ZNF639: variants seen among roughly 807,000 people sequenced by gnomAD.
ZNF639 encodes zinc finger protein 639.
Under a neutral mutation model 39.8 loss-of-function variants are expected in ZNF639, and 20 were observed. The ratio of observed to expected loss-of-function variants is 0.50; its 90% CI spans 0.35 to 0.73. The LOEUF (loss-of-function observed/expected upper bound fraction) is 0.73, where lower values mean the gene tolerates loss of function less well. Ranked by LOEUF, ZNF639 falls within the 30% of genes least tolerant of loss-of-function variation. ZNF639 has a pLI of 0.00. For missense variants in ZNF639, 477 were observed against 566.2 expected (o/e 0.84, Z 1.60); for synonymous variants, 176 against 189.8 (o/e 0.93, Z 0.60).
chr3:179,324,282 A>G (rs529399143), intron 1 of ZNF639, among the ~76,000 whole-genome samples: 28 of 152,176 alleles, frequency 1.8e-4, no homozygotes, highest in Non-Finnish European at 3.5e-4. Context: ...TATTTTGTGC[A>G]TAGACTTTCT....
intron 1 of ZNF639, among the ~76,000 whole-genome samples, chr3:179,324,730 G>T (rs1306375560): frequency 6.6e-6 from 1 of 152,152 alleles, no homozygotes; most frequent in East Asian, 1.9e-4. Context: ...AGCTTGCAAC[G>T]TTGATTTTAA....
rs1472221894 is a variant in ZNF639 at position 179,337,330 on chromosome 3, C to T, written c.*2908C>T. ...GAGACATATATCCAAGTTTCAGAAC[C>T]ATATAATTTTGTACTTTTTTTTTTT... is the stretch of plus-strand genomic sequence containing the variant. On this transcript the variant is annotated 3_prime_UTR_variant, in exon 6 of 6. Transcript: ENST00000496856. 2.0e-5 allele frequency: 3 copies of T among 149,052 alleles called. No homozygotes were observed. Among genetic ancestry groups the T allele is most frequent in the Non-Finnish European group, 4.4e-5 (3 of 67,526 alleles). The allele number at this position is 149,052 out of a possible 1,614,324, so 9.2% of individuals were successfully genotyped here.
chr3:179,333,353 T>C lies in ZNF639; in HGVS notation c.389T>C (p.Ile130Thr), dbSNP rs1227287362. ...CAGCAAACCCAAGAGGAGAGTCCTA[T>C]AGAAGTTCACACTGCTGAAGATGTT... ...VNQQTQEESP[I>T]EVHTAEDVPI... The change falls in exon 6 of 6, where the codon ATA (isoleucine) becomes ACA (threonine). Residue 130 changes from isoleucine (I) to threonine (T), a missense_variant. Coordinates refer to ENST00000496856, the MANE Select transcript of ZNF639 (RefSeq NM_001303426.2). 1.2e-6 allele frequency: 2 copies of C among 1,614,126 alleles called. No individual in the cohort carries two copies. The highest frequency in any genetic ancestry group is 1.3e-5 in the African/African-American group (1 of 75,050).
chr3:179,333,214 A>G (rs565940804), intron 5 of ZNF639, 55 bp from the exon 6 acceptor site: 6 of 1,559,306 alleles, frequency 3.8e-6, no homozygotes, highest in Non-Finnish European at 5.2e-6. Flanking sequence ...GCCCAGTTGT[A>G]TTTAACAGAT....
At chr3:179,332,630 A>G (rs980818397) in intron 4 of ZNF639, among the ~76,000 whole-genome samples, 2 of 152,196 alleles carry the variant, frequency 1.3e-5, no homozygotes, top group African/African-American at 4.8e-5. Context: ...CCCTCGCAAA[A>G]TGTTGAAGCC....
chr3:179,333,951 A>G lies in ZNF639; in HGVS notation c.987A>G (p.Pro329=), dbSNP rs1206468111. The G allele has an allele frequency of 1.2e-6, 2 of 1,614,222 alleles. No homozygotes were observed. Among genetic ancestry groups the G allele is most frequent in the Non-Finnish European group, 1.7e-6 (2 of 1,180,032 alleles). The change falls in exon 6 of 6, where the codon CCA becomes CCG. Residue 329 remains proline (P), a synonymous_variant. Transcript: ENST00000496856. ...CQFCEHETND[P]EDLHSHVVNE... The stretch of plus-strand genomic sequence containing the variant: ...TCTGTGAACATGAAACTAATGATCC[A>G]GAAGACTTGCATAGCCATGTGGTAA...
At chr3:179,324,354 T>A (rs527724645) in intron 1 of ZNF639, among the ~76,000 whole-genome samples, 2 of 152,324 alleles carry the variant, frequency 1.3e-5, no homozygotes, top group African/African-American at 2.4e-5. Flanking sequence ...AAAAAATTTT[T>A]AAACATTTTT....
Position 179,334,531 on chromosome 3 carries a change from C to T in ZNF639, c.*109C>T. On this transcript the variant is annotated 3_prime_UTR_variant, in exon 6 of 6. Transcript: ENST00000496856. ...CACAACTTATGAAATCTGCCTTTAA[C>T]AAGTAACTTTTTTAAATTATAAAAT... The T allele has an allele frequency of 2.5e-6, 2 of 797,684 alleles. No homozygotes were observed. The highest frequency in any genetic ancestry group is 7.0e-5 in the South Asian group (2 of 28,640). 49.4% of individuals were successfully genotyped at this position (797,684 alleles called of 1,614,324 possible).
intron 4 of ZNF639, among the ~76,000 whole-genome samples, chr3:179,332,485 G>A (rs967894600): frequency 2.0e-5 from 3 of 152,176 alleles, no homozygotes; most frequent in Non-Finnish European, 4.4e-5. Context: ...GGGCTTGGTG[G>A]TGCATGTCTG....
At chr3:179,326,334 C>A (rs1036665682) in intron 1 of ZNF639, among the ~76,000 whole-genome samples, 2 of 152,096 alleles carry the variant, frequency 1.3e-5, no homozygotes, top group East Asian at 3.9e-4. Flanking sequence ...GCACTCCAGC[C>A]TGGGTGACAG....
chr3:179,323,254 TGC>T lies in ZNF639; in HGVS notation c.-118_-117del. On this transcript the variant is annotated 5_prime_UTR_variant, in exon 1 of 6. Transcript: ENST00000496856. ...CTGCGCTCTCGGCCGCCGCCGCCTC[TGC>T]GTGGGCCGGCCGGGAGGGCCTCGGG... 11 of 985,128 alleles carry T rather than the reference TGC, an allele frequency of 1.1e-5. No homozygotes were observed. Among genetic ancestry groups the T allele is most frequent in the Non-Finnish European group, 1.3e-5 (11 of 829,940 alleles). 61.0% of individuals were successfully genotyped at this position (985,128 alleles called of 1,614,324 possible).
At position 179,334,473 on chromosome 3, in the gene ZNF639, T is replaced by C; in HGVS notation, c.*51T>C. On this transcript the variant is annotated 3_prime_UTR_variant, in exon 6 of 6. Coordinates refer to ENST00000496856, the MANE Select transcript of ZNF639 (RefSeq NM_001303426.2). Reference sequence around the variant, plus strand: ...TAGTTTAAAATAATAAATTCATCCTTTTTTTGGAGATGATTAAATGGATGA... The same window carrying C: ...TAGTTTAAAATAATAAATTCATCCTCTTTTTGGAGATGATTAAATGGATGA... 1 of 1,376,994 alleles carries C rather than the reference T, an allele frequency of 7.3e-7. No individual in the cohort carries two copies. Among genetic ancestry groups the C allele is most frequent in the Non-Finnish European group, 9.6e-7 (1 of 1,037,002 alleles). 85.3% of individuals were successfully genotyped at this position (1,376,994 alleles called of 1,614,324 possible). A position where few individuals can be genotyped will look rare whatever the true frequency, so the allele number is the denominator to read the frequency against.
At position 179,335,824 on chromosome 3, in the gene ZNF639, CTT is replaced by C. The variant is rs1470909839; in HGVS notation, c.*1403_*1404del. On this transcript the variant is annotated 3_prime_UTR_variant, in exon 6 of 6. Coordinates refer to ENST00000496856, the MANE Select transcript of ZNF639 (RefSeq NM_001303426.2). Reference sequence around the variant, plus strand: ...TAATTTTTTGAGACAGAATTTCACTCTTGTCGCCCAGGCTGGAGTACAGTGGC... The same window carrying C: ...TAATTTTTTGAGACAGAATTTCACTCGTCGCCCAGGCTGGAGTACAGTGGC... 2 of 140,910 alleles carry C rather than the reference CTT, an allele frequency of 1.4e-5. No homozygotes were observed. Among genetic ancestry groups the C allele is most frequent in the African/African-American group, 5.3e-5 (2 of 37,804 alleles). 8.7% of individuals were successfully genotyped at this position (140,910 alleles called of 1,614,324 possible). A position where few individuals can be genotyped will look rare whatever the true frequency, so the allele number is the denominator to read the frequency against.
chr3:179,324,948 A>T (rs916768256), intron 1 of ZNF639: 4 of 152,228 alleles, frequency 2.6e-5, no homozygotes, highest in Admixed American at 2.0e-4. Context: ...TTTTGAATGC[A>T]GTGAATTGAG....
Position 179,335,558 on chromosome 3 carries a change from A to G in ZNF639, c.*1136A>G, listed in dbSNP as rs189062830. 6.6e-4 allele frequency: 100 copies of G among 152,366 alleles called. No individual in the cohort carries two copies. Among genetic ancestry groups the G allele is most frequent in the African/African-American group, 2.3e-3 (97 of 41,590 alleles). 9.4% of individuals were successfully genotyped at this position (152,366 alleles called of 1,614,324 possible). On this transcript the variant is annotated 3_prime_UTR_variant, in exon 6 of 6. Transcript: ENST00000496856. Reference sequence around the variant, plus strand: ...ATCAATATTAGTTCGTATGGCTGCCATAACAAATTACTACAAACTGAGTTG... The same window carrying G: ...ATCAATATTAGTTCGTATGGCTGCCGTAACAAATTACTACAAACTGAGTTG...
chr3:179,325,828 C>A (rs1056064410), intron 1 of ZNF639, among the ~76,000 whole-genome samples: 1 of 151,954 alleles, frequency 6.6e-6, no homozygotes, highest in African/African-American at 2.4e-5. Flanking sequence ...TTGCAGTGAG[C>A]CAAGATAGCG....
chr3:179,329,572 ATATG>A (rs761889128), intron 3 of ZNF639, 42 bp from the exon 4 acceptor site: 4 of 1,079,378 alleles, frequency 3.7e-6, no homozygotes, highest in Admixed American at 3.9e-5. Flanking sequence ...TTCTCATTAA[ATATG>A]TATGTTTACT....
At chr3:179,330,575 G>A (rs950447922) in intron 4 of ZNF639, among the ~76,000 whole-genome samples, 1 of 152,192 alleles carries the variant, frequency 6.6e-6, no homozygotes, top group Non-Finnish European at 1.5e-5. Context: ...TGTGAGCCAC[G>A]GCTCTCAGCC....
intron 1 of ZNF639, chr3:179,325,085 G>C (rs2108491624): frequency 1.3e-5 from 2 of 152,252 alleles, no homozygotes; most frequent in African/African-American, 4.8e-5. Context: ...ACAATGATGT[G>C]ATCTCGGGTC....
Sources: allele counts gnomAD v4.1 joint callset (sites outside exome capture counted in the v4.1 genomes callset), GRCh38; gene constraint gnomAD v4.1.1; transcripts MANE v1.5; gene names NCBI Gene and HGNC (gene_info 2026-07-23, HGNC 2026-07-21).